DLGAP2: variants seen among roughly 807,000 people sequenced by gnomAD.
DLGAP2 encodes the protein DLG associated protein 2.
In DLGAP2, 26 loss-of-function variants were observed where a neutral mutation model predicts 100.3. That is an observed-to-expected ratio of 0.26 (90% CI 0.19 to 0.36). The LOEUF (loss-of-function observed/expected upper bound fraction) is 0.36. Among genes scored for constraint, DLGAP2 ranks in the 10% least tolerant of loss-of-function variants. The pLI, the probability that DLGAP2 is intolerant of heterozygous loss-of-function variation, is 1.00. For synonymous variants in DLGAP2, 886 were observed against 630.1 expected (o/e 1.41, Z -6.08); for missense variants, 1,858 against 1,453.2 (o/e 1.28, Z -4.53).
In DLGAP2 at chr8:1,613,601, A is replaced by G. The variant is rs555873370; in HGVS notation, c.1443-13139A>G. ...TTCAACTGAAATTTATGCACTGCGC[A>G]CCCAGCTCCATGAGGACAAGGGCGA... is the stretch of plus-strand genomic sequence containing the variant. On this transcript the variant is annotated intron_variant, in intron 6 of 14. Coordinates refer to ENST00000637795, the MANE Select transcript of DLGAP2 (RefSeq NM_001346810.2). 4.6e-5 allele frequency among the ~76,000 whole-genome samples: 7 copies of G among 152,280 alleles called. No individual in the cohort carries two copies. In the South Asian group the frequency reaches 1.2e-3, roughly 27 times the overall value.
At chr8:903,451 C>T (rs978432923) in intron 1 of DLGAP2, among the ~76,000 whole-genome samples, 7 of 152,088 alleles carry the variant, frequency 4.6e-5, no homozygotes, top group Non-Finnish European at 1.0e-4. Flanking sequence ...CCACAACAGG[C>T]CTGTGTATTT....
intron 3 of DLGAP2, among the ~76,000 whole-genome samples, chr8:1,367,009 A>G (rs1802124017): frequency 6.6e-6 from 1 of 152,208 alleles, no homozygotes; most frequent in African/African-American, 2.4e-5. Flanking sequence ...CAGTGTTAAC[A>G]TTTACATGGC....
intron 6 of DLGAP2, among the ~76,000 whole-genome samples, chr8:1,570,055 T>C (rs1475820823): frequency 1.3e-5 from 2 of 152,232 alleles, no homozygotes; most frequent in Admixed American, 6.5e-5. Flanking sequence ...GTTGTCACTC[T>C]GTAACCCTGT....
chr8:1,267,637 G>GAAATAAAATAAAATAAAATAAAATCAAA lies in DLGAP2; in HGVS notation c.106+8754_106+8755insAAATAAAATAAAATAAAATAAAATCAAA, dbSNP rs1382093781. Reference sequence around the variant, plus strand: ...ATAAGATAAGATAAATATTAAATAGGTCTACAAAAAGGCCTCCAGGGTCAG... The same window carrying GAAATAAAATAAAATAAAATAAAATCAAA: ...ATAAGATAAGATAAATATTAAATAGGAAATAAAATAAAATAAAATAAAATCAAATCTACAAAAAGGCCTCCAGGGTCAG... On this transcript the variant is annotated intron_variant, in intron 3 of 14. Transcript: ENST00000637795. 3.3e-3 allele frequency among the ~76,000 whole-genome samples: 307 copies of GAAATAAAATAAAATAAAATAAAATCAAA among 91,906 alleles called. 15 individuals carry two copies. Among genetic ancestry groups the GAAATAAAATAAAATAAAATAAAATCAAA allele is most frequent in the Non-Finnish European group, 5.0e-3 (222 of 44,256 alleles). The allele number at this position is 91,906 out of a possible 152,430, so 60.3% of individuals were successfully genotyped here. A position where few individuals can be genotyped will look rare whatever the true frequency, so the allele number is the denominator to read the frequency against.
intron 2 of DLGAP2, among the ~76,000 whole-genome samples, chr8:1,077,590 T>C (rs1803663123): frequency 6.6e-6 from 1 of 152,176 alleles, no homozygotes; most frequent in African/African-American, 2.4e-5. Context: ...GAAGGTGAGA[T>C]GGTGTATGCT....
intron 2 of DLGAP2, among the ~76,000 whole-genome samples, chr8:1,010,556 G>C (rs1213835887): frequency 6.6e-6 from 1 of 152,202 alleles, no homozygotes; most frequent in Non-Finnish European, 1.5e-5. Flanking sequence ...GTGAAGAGTA[G>C]AGCCATTTTA....
At chr8:930,052 C>G (rs975084263) in intron 2 of DLGAP2, among the ~76,000 whole-genome samples, 2 of 152,028 alleles carry the variant, frequency 1.3e-5, no homozygotes, top group South Asian at 2.1e-4. Context: ...TTTTCTTGTG[C>G]CTGTCAGTCT....
chr8:913,810 A>G (rs902894491), intron 2 of DLGAP2, among the ~76,000 whole-genome samples: 4 of 152,264 alleles, frequency 2.6e-5, no homozygotes, highest in Admixed American at 2.0e-4. Flanking sequence ...TGAATTATCC[A>G]CATGTGACTT....
chr8:1,255,241 CCT>C (rs1799168270), intron 2 of DLGAP2, among the ~76,000 whole-genome samples: 1 of 82,736 alleles, frequency 1.2e-5, no homozygotes. Flanking sequence ...GTGTGTGTGC[CCT>C]CTCATCCTGC....
chr8:1,204,824 AG>A (rs1256205940), intron 2 of DLGAP2, among the ~76,000 whole-genome samples: 1 of 152,214 alleles, frequency 6.6e-6, no homozygotes, highest in Non-Finnish European at 1.5e-5. Flanking sequence ...AGAGAAGCTT[AG>A]ATTTATGAGG....
At chr8:1,106,206 C>G (rs1435364151) in intron 2 of DLGAP2, among the ~76,000 whole-genome samples, 2 of 141,510 alleles carry the variant, frequency 1.4e-5, no homozygotes, top group Non-Finnish European at 3.0e-5. Flanking sequence ...GGGAGCCATT[C>G]TAGGAGGATT....
intron 1 of DLGAP2, among the ~76,000 whole-genome samples, chr8:804,170 A>G (rs755352316): frequency 2.0e-5 from 3 of 152,182 alleles, no homozygotes; most frequent in Non-Finnish European, 2.9e-5. Context: ...GGAGAATCAT[A>G]TATTTGTTTA....
intron 1 of DLGAP2, among the ~76,000 whole-genome samples, chr8:885,607 C>A (rs74532241): frequency 8.5e-5 from 13 of 152,230 alleles, no homozygotes; most frequent in Middle Eastern, 3.4e-3. Flanking sequence ...ACTTGAATAC[C>A]CTTTATTTCT....
intron 2 of DLGAP2, among the ~76,000 whole-genome samples, chr8:920,946 C>T (rs1351442640): frequency 1.3e-5 from 2 of 152,182 alleles, no homozygotes; most frequent in African/African-American, 2.4e-5. Context: ...CCCCACTTTC[C>T]CTCGTTTTTG....
chr8:1,387,884 C>T (rs192991268), intron 3 of DLGAP2, among the ~76,000 whole-genome samples: 448 of 152,270 alleles, frequency 2.9e-3, no homozygotes, highest in Non-Finnish European at 4.8e-3. Context: ...CGCTGGAAGC[C>T]GAGATGTCCT....
chr8:1,537,823 A>G (rs1048312735), intron 4 of DLGAP2, among the ~76,000 whole-genome samples: 14 of 152,224 alleles, frequency 9.2e-5, no homozygotes, highest in African/African-American at 3.4e-4. Flanking sequence ...TAAATGTCAT[A>G]GGAAAAGTGC....
intron 2 of DLGAP2, among the ~76,000 whole-genome samples, chr8:1,010,985 C>T (rs1801264241): frequency 6.6e-6 from 1 of 151,560 alleles, no homozygotes; most frequent in Non-Finnish European, 1.5e-5. Flanking sequence ...CATGGTGAGC[C>T]CCGGGCGAGG....
chr8:1,668,421 A>G lies in DLGAP2; in HGVS notation c.1903A>G (p.Thr635Ala). 1.2e-6 allele frequency: 2 copies of G among 1,604,070 alleles called. No homozygotes were observed. The highest frequency in any genetic ancestry group is 1.7e-6 in the Non-Finnish European group (2 of 1,175,820). ...GATCTCGGTGACGGCGCAGAGCAGC[A>G]CCGAATCCACCCAGGACGCCTACCA... ...PLISVTAQSS[T>A]ESTQDAYQDS... The change falls in exon 9 of 15, where the codon ACC becomes GCC. Residue 635 changes from threonine (T) to alanine (A), a missense_variant. Thr to Ala is a moderately conservative substitution (Grantham distance 58). Transcript: ENST00000637795.
intron 2 of DLGAP2, among the ~76,000 whole-genome samples, chr8:1,127,292 A>G (rs1189878452): frequency 6.6e-6 from 1 of 151,338 alleles, no homozygotes; most frequent in Non-Finnish European, 1.5e-5. Flanking sequence ...GGTCGGGTGA[A>G]CCCCCATTCT....
Sources: gnomAD v4.1 joint callset for allele counts (sites outside exome capture counted in the v4.1 genomes callset) on GRCh38, gnomAD v4.1.1 for gene constraint, MANE v1.5 for transcripts, NCBI Gene and HGNC (gene_info 2026-07-23, HGNC 2026-07-21) for gene names.